LMCD1: variants seen among roughly 807,000 people sequenced by gnomAD.
LMCD1 encodes the protein LIM and cysteine-rich domains protein 1.
LMCD1 carries 32 observed loss-of-function variants against 42.7 expected under a neutral mutation model. That is an observed-to-expected ratio of 0.75 (90% confidence interval 0.57 to 1.01). The LOEUF is 1.01. LMCD1 is among the 50% of genes least tolerant of loss of function. The pLI is 0.00. For missense variants in LMCD1, 458 were observed against 483.1 expected (o/e 0.95, Z 0.49); for synonymous variants, 178 against 184.9 (o/e 0.96, Z 0.30).
chr3:8,548,263 T>G (rs71312389), intron 3 of LMCD1, among the ~76,000 whole-genome samples: 11 of 152,122 alleles, frequency 7.2e-5, no homozygotes, highest in African/African-American at 2.4e-4. Context: ...TTCACCAAGA[T>G]TGAGACACAG....
chr3:8,502,313 A>T lies in LMCD1; in HGVS notation c.42+333A>T, dbSNP rs28522019. Among the ~76,000 whole-genome samples the T allele has an allele frequency of 5.9e-4, 14 of 23,914 alleles. 3 individuals carry two copies. Among genetic ancestry groups the T allele is most frequent in the East Asian group, 1.1e-3 (1 of 894 alleles). 15.7% of individuals were successfully genotyped at this position (23,914 alleles called of 152,430 possible). On this transcript the variant is annotated intron_variant, in intron 1 of 5. Coordinates refer to ENST00000157600, the MANE Select transcript of LMCD1 (RefSeq NM_014583.4). ...AATATATATTATATATAATATATAA[A>T]ATATATATTATATATAATATATATT...
chr3:8,544,051 G>T (rs570517722), intron 3 of LMCD1, among the ~76,000 whole-genome samples: 1 of 152,266 alleles, frequency 6.6e-6, no homozygotes, highest in Non-Finnish European at 1.5e-5. Flanking sequence ...CGTCCACATG[G>T]TTGGTGGACT....
intron 1 of LMCD1, among the ~76,000 whole-genome samples, chr3:8,530,087 A>G (rs1322264516): frequency 6.6e-6 from 1 of 152,122 alleles, no homozygotes; most frequent in East Asian, 1.9e-4. Context: ...CTTGCTCTCT[A>G]CCTCACTTCT....
chr3:8,565,464 T>C lies in LMCD1; in HGVS notation c.756T>C (p.Pro252=). The change falls in exon 5 of 6, where the codon CCT becomes CCC. Residue 252 remains proline (P), a synonymous_variant. Coordinates refer to ENST00000157600, the MANE Select transcript of LMCD1 (RefSeq NM_014583.4). Reference sequence around the variant, plus strand: ...AGCTCTGCAAGGGAGCGGCCCCTCCTGACAGCCCCGTGGTCTACTCGGACA... The same window carrying C: ...AGCTCTGCAAGGGAGCGGCCCCTCCCGACAGCCCCGTGGTCTACTCGGACA... The part of the protein sequence containing the change: ...VCELCKGAAP[P]DSPVVYSDRA... The C allele has an allele frequency of 6.2e-7, 1 of 1,614,180 alleles. No individual in the cohort carries two copies. The highest frequency in any genetic ancestry group is 8.5e-7 in the Non-Finnish European group (1 of 1,180,032).
intron 3 of LMCD1, among the ~76,000 whole-genome samples, chr3:8,538,270 G>A (rs1036323743): frequency 1.3e-5 from 2 of 152,174 alleles, no homozygotes; most frequent in Non-Finnish European, 2.9e-5. Flanking sequence ...CAAGTTCAGG[G>A]CCATCCTGAG....
intron 1 of LMCD1, among the ~76,000 whole-genome samples, chr3:8,531,894 ACCC>A (rs1694419928): frequency 6.6e-6 from 1 of 152,118 alleles, no homozygotes; most frequent in Non-Finnish European, 1.5e-5. Context: ...AGTCGTCCCC[ACCC>A]CAACCCCAAT....
chr3:8,573,635 A>C lies in LMCD1; in HGVS notation c.*6037A>C, dbSNP rs568478787. ...AGAAATGTGTTTTCTCCTTTTTCTC[A>C]AGTGATATTTGCCTTAGGTCAGATT... On this transcript the variant is annotated 3_prime_UTR_variant, in exon 6 of 6. Transcript: ENST00000157600. 6.6e-6 allele frequency: 1 copy of C among 152,306 alleles called. No individual in the cohort carries two copies. The highest frequency in any genetic ancestry group is 1.9e-4 in the East Asian group (1 of 5,182). 9.4% of individuals were successfully genotyped at this position (152,306 alleles called of 1,614,324 possible).
chr3:8,505,455 A>T (rs1559343152), intron 1 of LMCD1, among the ~76,000 whole-genome samples: 1 of 152,204 alleles, frequency 6.6e-6, no homozygotes, highest in Non-Finnish European at 1.5e-5. Flanking sequence ...GCCCAGAGGG[A>T]TCAAGCTCCT....
intron 1 of LMCD1, among the ~76,000 whole-genome samples, chr3:8,518,295 T>G (rs1694134762): frequency 1.3e-5 from 2 of 152,222 alleles, no homozygotes; most frequent in Non-Finnish European, 2.9e-5. Context: ...CCTTGAGTTT[T>G]CACGATTTCC....
At chr3:8,527,382 G>A (rs1694320540) in intron 1 of LMCD1, among the ~76,000 whole-genome samples, 1 of 152,116 alleles carries the variant, frequency 6.6e-6, no homozygotes, top group African/African-American at 2.4e-5. Context: ...TTTTGACTGG[G>A]AATAATGATG....
intron 1 of LMCD1, among the ~76,000 whole-genome samples, chr3:8,518,347 A>G (rs911894195): frequency 6.6e-6 from 1 of 152,256 alleles, no homozygotes; most frequent in African/African-American, 2.4e-5. Flanking sequence ...AGCCTGCAGC[A>G]GAGTTTTTCT....
intron 4 of LMCD1, among the ~76,000 whole-genome samples, chr3:8,551,638 C>T (rs1334330624): frequency 6.6e-6 from 1 of 152,176 alleles, no homozygotes; most frequent in Non-Finnish European, 1.5e-5. Context: ...CTTTTTACCT[C>T]CTTGAAGCAG....
chr3:8,554,288 C>G (rs937063132), intron 4 of LMCD1, among the ~76,000 whole-genome samples: 4 of 151,546 alleles, frequency 2.6e-5, no homozygotes, highest in African/African-American at 9.7e-5. Context: ...CTGATGAGAG[C>G]GGGGCTTCGG....
At position 8,502,303 on chromosome 3, in the gene LMCD1, T is replaced by TAA. The variant is rs3066442; in HGVS notation, c.42+324_42+325dup. On this transcript the variant is annotated intron_variant, in intron 1 of 5. Coordinates refer to ENST00000157600, the MANE Select transcript of LMCD1 (RefSeq NM_014583.4). ...AAATATATATAATATATATTATATATAATATATAAAATATATATTATATAT... is the reference window on the plus strand; with the variant it reads ...AAATATATATAATATATATTATATATAAAATATATAAAATATATATTATATAT... 4.7e-3 allele frequency among the ~76,000 whole-genome samples: 106 copies of TAA among 22,594 alleles called. 13 individuals are homozygous for TAA. The highest frequency in any genetic ancestry group is 0.024 in the Middle Eastern group (1 of 42). The allele number at this position is 22,594 out of a possible 152,430, so 14.8% of individuals were successfully genotyped here. A position where few individuals can be genotyped will look rare whatever the true frequency, so the allele number is the denominator to read the frequency against.
chr3:8,548,753 C>G lies in LMCD1; in HGVS notation c.573C>G (p.Ser191Arg). ...LMEEFVKQYK[S>R]EALGVGEVAL... is the part of the protein sequence containing the mutation. ...AAGAATTTGTCAAGCAATATAAGAG[C>G]GAGGCCCTCGGCGTGGGAGAAGTGG... Residue 191 changes from serine to arginine, a missense_variant, in exon 4 of 6, where the codon AGC becomes AGG. Coordinates refer to ENST00000157600, the MANE Select transcript of LMCD1 (RefSeq NM_014583.4). 1 of 1,613,696 alleles carries G rather than the reference C, an allele frequency of 6.2e-7. No homozygotes were observed. The highest frequency in any genetic ancestry group is 8.5e-7 in the Non-Finnish European group (1 of 1,179,672).
At chr3:8,549,897 A>G (rs959229323) in intron 4 of LMCD1, 1 of 764,540 alleles carries the variant, frequency 1.3e-6, no homozygotes, top group Non-Finnish European at 2.3e-6. Flanking sequence ...TCGTGTGATA[A>G]CCCATTAATC....
At chr3:8,559,130 G>A (rs186978844) in intron 4 of LMCD1, among the ~76,000 whole-genome samples, 3 of 152,210 alleles carry the variant, frequency 2.0e-5, no homozygotes, top group East Asian at 3.9e-4. Context: ...CACACGACTC[G>A]ATTCTCTGGC....
chr3:8,509,203 G>T (rs994106349), intron 1 of LMCD1, among the ~76,000 whole-genome samples: 3 of 152,180 alleles, frequency 2.0e-5, no homozygotes, highest in African/African-American at 7.2e-5. Flanking sequence ...AAATCCCATA[G>T]GTTATTAAGT....
chr3:8,523,375 A>G (rs760297128), intron 1 of LMCD1, among the ~76,000 whole-genome samples: 11 of 152,244 alleles, frequency 7.2e-5, no homozygotes, highest in African/African-American at 2.4e-5. Context: ...ACACACATGC[A>G]CAAGCACACA....
Sources: gnomAD v4.1 joint callset for allele counts (sites outside exome capture counted in the v4.1 genomes callset) on GRCh38, gnomAD v4.1.1 for gene constraint, MANE v1.5 for transcripts, NCBI Gene and HGNC (gene_info 2026-07-23, HGNC 2026-07-21) for gene names.